The following HJURP variants were observed in gnomAD, a reference collection of about 807,000 sequenced individuals.
HJURP encodes the protein Holliday junction recognition protein.
In HJURP, 49 loss-of-function variants were observed where a neutral mutation model predicts 72.0. That is an observed-to-expected ratio of 0.68 (90% CI 0.54 to 0.86). The LOEUF (loss-of-function observed/expected upper bound fraction) is 0.86. Among genes scored for constraint, HJURP ranks in the 40% least tolerant of loss-of-function variants. HJURP has a pLI of 0.00. For synonymous variants in HJURP, 357 were observed against 347.1 expected, an observed-to-expected ratio of 1.03 and a Z score of -0.32; for missense variants, 908 against 936.3, an observed-to-expected ratio of 0.97 and a Z score of 0.39.
intron 3 of HJURP, among the ~76,000 whole-genome samples, chr2:233,851,093 A>G (rs1006796457): frequency 4.6e-5 from 7 of 152,260 alleles, no homozygotes; most frequent in Admixed American, 3.3e-4. Flanking sequence ...AGACCCAGGT[A>G]GGGTTCCTCC....
At chr2:233,842,639 CAAACA>C (rs1435369714) in intron 7 of HJURP, among the ~76,000 whole-genome samples, 1 of 57,930 alleles carries the variant, frequency 1.7e-5, no homozygotes, top group Non-Finnish European at 2.9e-5. Flanking sequence ...AAATTGAACA[CAAACA>C]AAAAAAAAAT....
rs114932551 is a variant in HJURP, at chr2:233,844,257, A to G, written c.522T>C (p.Asp174=). ...GTGAAGGCAGCGGAGTCACACGTACATCCCTTCCAGCTCTGTTACCTGCAC... is the reference window on the plus strand; with the variant it reads ...GTGAAGGCAGCGGAGTCACACGTACGTCCCTTCCAGCTCTGTTACCTGCAC... The part of the protein sequence containing the change: ...FECAGNRAGR[D]VRVTPLPSLA... The change falls in exon 7 of 9, where the codon GAT becomes GAC. Residue 174 remains aspartate, a synonymous_variant. Transcript: ENST00000411486. 1,542 of 1,614,182 alleles carry G rather than the reference A, an allele frequency of 9.6e-4. 19 individuals carry two copies. In the African/African-American group the frequency reaches 0.018, roughly 19 times the overall value.
rs1425489926 is a variant in HJURP, at chr2:233,854,390, T to C, written c.111A>G (p.Ile37Met). ...RRFQRRMQRL[I>M]EKYNQPFEDT... ...GGACCGGCGGGGGCCGCACCTTCTCTATCAGCCGCTGCATGCGCCTCTGGA... is the reference window on the plus strand; with the variant it reads ...GGACCGGCGGGGGCCGCACCTTCTCCATCAGCCGCTGCATGCGCCTCTGGA... The change falls in exon 1 of 9, where the codon ATA becomes ATG. Residue 37 changes from isoleucine to methionine, a missense_variant. Transcript: ENST00000411486. The C allele has an allele frequency of 5.0e-6, 8 of 1,590,506 alleles. No individual in the cohort carries two copies. The highest frequency in any genetic ancestry group is 1.7e-6 in the Non-Finnish European group (2 of 1,170,036).
intron 6 of HJURP, 124 bp from the exon 7 acceptor site, chr2:233,844,407 A>T (rs1474963936): frequency 1.5e-5 from 11 of 735,766 alleles, no homozygotes; most frequent in Non-Finnish European, 2.6e-5. Context: ...CAAGCGTGTG[A>T]ATGTGGTGAC....
At chr2:233,848,112 A>G (rs755806833) in intron 4 of HJURP, among the ~76,000 whole-genome samples, 5 of 152,126 alleles carry the variant, frequency 3.3e-5, no homozygotes, top group Non-Finnish European at 5.9e-5. Flanking sequence ...GCTTCCCTTT[A>G]GCGACTCAAC....
chr2:233,842,784 T>C (rs1449925442), intron 7 of HJURP, among the ~76,000 whole-genome samples: 1 of 152,224 alleles, frequency 6.6e-6, no homozygotes, highest in Non-Finnish European at 1.5e-5. Context: ...TAGATGGTTG[T>C]GAAGAGTGGT....
chr2:233,839,191 G>C (rs1248921720), intron 8 of HJURP, among the ~76,000 whole-genome samples: 1 of 152,176 alleles, frequency 6.6e-6, no homozygotes, highest in Non-Finnish European at 1.5e-5. Flanking sequence ...CAAAACCTGG[G>C]AGCTTCTAGA....
intron 8 of HJURP, among the ~76,000 whole-genome samples, chr2:233,837,899 C>T (rs947927097): frequency 6.6e-6 from 1 of 152,236 alleles, no homozygotes; most frequent in Non-Finnish European, 1.5e-5. Context: ...ACATCCCACA[C>T]CCTGGCCCAG....
In HJURP at chr2:233,841,736, G is replaced by A; in HGVS notation, c.1044C>T (p.Cys348=). ...RDCKNVLDVS[C]RKTGLKLEKA... ...TTTCCAATTTTAAACCTGTCTTACG[G>A]CAAGAAACATCTAATACGTTCTTGC... is the stretch of plus-strand genomic sequence containing the variant. The change falls in exon 8 of 9, where the codon TGC becomes TGT. Residue 348 remains cysteine (C), a synonymous_variant. Coordinates refer to ENST00000411486, the MANE Select transcript of HJURP (RefSeq NM_018410.5). The A allele has an allele frequency of 6.2e-7, 1 of 1,614,112 alleles. No individual in the cohort carries two copies. Among genetic ancestry groups the A allele is most frequent in the South Asian group, 1.1e-5 (1 of 91,070 alleles).
At chr2:233,850,122 G>A (rs890684114) in intron 3 of HJURP, among the ~76,000 whole-genome samples, 1 of 152,192 alleles carries the variant, frequency 6.6e-6, no homozygotes, top group Non-Finnish European at 1.5e-5. Context: ...GCCCAGGCAC[G>A]AGCAGATAAG....
At chr2:233,843,409 G>T (rs1705280726) in intron 7 of HJURP, among the ~76,000 whole-genome samples, 1 of 152,126 alleles carries the variant, frequency 6.6e-6, no homozygotes, top group African/African-American at 2.4e-5. Flanking sequence ...CAGCCTAAAA[G>T]TCACCAAGAA....
At chr2:233,853,362 A>G (rs1293182602) in intron 2 of HJURP, among the ~76,000 whole-genome samples, 1 of 152,224 alleles carries the variant, frequency 6.6e-6, no homozygotes, top group Non-Finnish European at 1.5e-5. Context: ...TCTCCTCCCT[A>G]TTCAAGTACT....
Position 233,853,989 on chromosome 2 carries a change from C to A in HJURP, c.118-79G>T. On this transcript the variant is annotated intron_variant, in intron 1 of 8. Transcript: ENST00000411486. ...GACCCGGGAGGAGGCGGCGCCAGCC[C>A]GTGAGAGGCCGTTAGTCTGGCCTGG... 12 of 1,283,696 alleles carry A rather than the reference C, an allele frequency of 9.3e-6. 1 individual carries two copies. The highest frequency in any genetic ancestry group is 7.5e-5 in the South Asian group (6 of 80,468). The allele number at this position is 1,283,696 out of a possible 1,614,324, so 79.5% of individuals were successfully genotyped here. A position where few individuals can be genotyped will look rare whatever the true frequency, so the allele number is the denominator to read the frequency against.
At chr2:233,840,235 G>A (rs1399574869) in intron 8 of HJURP, among the ~76,000 whole-genome samples, 1 of 152,120 alleles carries the variant, frequency 6.6e-6, no homozygotes, top group Non-Finnish European at 1.5e-5. Context: ...GATCACTTTC[G>A]CCTTACAACA....
intron 3 of HJURP, 105 bp downstream of exon 3, chr2:233,852,460 G>T: frequency 1.3e-6 from 1 of 757,060 alleles, no homozygotes; most frequent in Non-Finnish European, 2.3e-6. Flanking sequence ...AGTGCCCCGT[G>T]GTGGCCTCTG....
chr2:233,849,999 CATGTCCACTT>C (rs1414950973), intron 3 of HJURP, 140 bp from the exon 4 acceptor site: 4 of 625,934 alleles, frequency 6.4e-6, no homozygotes, highest in Non-Finnish European at 8.6e-6. Context: ...CTTCTCCCTG[CATGTCCACTT>C]TATAAGAGGC....
At chr2:233,843,720 T>C (rs1293854013) in intron 7 of HJURP, among the ~76,000 whole-genome samples, 3 of 152,094 alleles carry the variant, frequency 2.0e-5, no homozygotes, top group Non-Finnish European at 4.4e-5. Flanking sequence ...ACTGGCACAA[T>C]GGGTAGAACA....
Position 233,840,658 on chromosome 2 carries a change from C to T in HJURP, c.2122G>A (p.Val708Ile), listed in dbSNP as rs372240290. Residue 708 changes from valine to isoleucine, a missense_variant, in exon 8 of 9, where the codon GTC (valine) becomes ATC (isoleucine). This residue lies in a region of HJURP where 598 missense variants were observed against 619.5 expected (regional missense o/e 0.97). Transcript: ENST00000411486. The part of the protein sequence containing the change: ...LGASDGVDNT[V>I]RPGDQGSSSQ... ...GAGCTGCCCTGGTCTCCCGGTCTGA[C>T]GGTGTTGTCCACCCCATCTGAGGCA... The T allele has an allele frequency of 3.4e-5, 55 of 1,611,622 alleles. No individual in the cohort carries two copies. The highest frequency in any genetic ancestry group is 4.5e-5 in the East Asian group (2 of 44,878).
chr2:233,838,830 G>A (rs998458548), intron 8 of HJURP, among the ~76,000 whole-genome samples: 1 of 152,204 alleles, frequency 6.6e-6, no homozygotes, highest in African/African-American at 2.4e-5. Flanking sequence ...ATTCTTGAAG[G>A]CTTCACTAAC....
Sources: allele counts gnomAD v4.1 joint callset (sites outside exome capture counted in the v4.1 genomes callset), GRCh38; gene constraint gnomAD v4.1.1; regional missense constraint gnomAD v4.1.1; transcripts MANE v1.5; gene names NCBI Gene and HGNC (gene_info 2026-07-23, HGNC 2026-07-21).